Variants in VPS13C observed in about 807,000 individuals in gnomAD.
The protein encoded by VPS13C is intermembrane lipid transfer protein VPS13C.
In VPS13C, 358 loss-of-function variants were observed where a neutral mutation model predicts 456.8. That is an observed-to-expected ratio of 0.78 (90% CI 0.72 to 0.86). The LOEUF is 0.86. VPS13C is among the 40% of genes least tolerant of loss of function. The probability of loss-of-function intolerance (pLI) is 0.00; values close to 1 mark genes in which losing one functional copy is unlikely to be tolerated. For missense variants in VPS13C, 4,818 were observed against 4,385.4 expected, an observed-to-expected ratio of 1.10 and a Z score of -2.79; for synonymous variants, 1,578 against 1,486.7, an observed-to-expected ratio of 1.06 and a Z score of -1.41.
intron 5 of VPS13C, among the ~76,000 whole-genome samples, chr15:62,030,457 T>A (rs2047775494): frequency 6.6e-6 from 1 of 152,016 alleles, no homozygotes; most frequent in African/African-American, 2.4e-5. Flanking sequence ...TCTGAGGCCC[T>A]CACCAGGAGC....
chr15:61,974,210 C>T (rs1373668252), intron 25 of VPS13C, 78 bp downstream of exon 25: 2 of 1,394,572 alleles, frequency 1.4e-6, no homozygotes, highest in African/African-American at 1.5e-5. Context: ...CACTTATAAA[C>T]CTTGCCCTGA....
chr15:61,936,273 T>C (rs537427512), intron 48 of VPS13C, among the ~76,000 whole-genome samples: 98 of 152,316 alleles, frequency 6.4e-4, no homozygotes, highest in African/African-American at 2.2e-3. Flanking sequence ...GGTCCTTTTC[T>C]CTCTTAATTA....
At chr15:61,976,502 G>A (rs952978050) in intron 24 of VPS13C, among the ~76,000 whole-genome samples, 7 of 151,926 alleles carry the variant, frequency 4.6e-5, no homozygotes, top group African/African-American at 1.7e-4. Context: ...TTTAAGTAGG[G>A]AAGGAAAGAA....
At position 61,959,465 on chromosome 15, in the gene VPS13C, G is replaced by T; in HGVS notation, c.4039C>A (p.His1347Asn). The change falls in exon 36 of 85, where the codon CAT becomes AAT. Residue 1347 changes from histidine (H) to asparagine (N), a missense_variant. This residue lies in a region of VPS13C where 4,552 missense variants were observed against 4,130.6 expected (regional missense o/e 1.10). Transcript: ENST00000644861. ...HKVPVVEIKGHLDSMNVSLNQ... is the reference protein window; with the variant it reads ...HKVPVVEIKGNLDSMNVSLNQ... Reference sequence around the variant, plus strand: ...ATACTTACATTCATTGAATCAAGATGTCCTTTAATTTCCACAACAGGCACC... The same window carrying T: ...ATACTTACATTCATTGAATCAAGATTTCCTTTAATTTCCACAACAGGCACC... The T allele has an allele frequency of 6.2e-7, 1 of 1,610,928 alleles. No homozygotes were observed. Among genetic ancestry groups the T allele is most frequent in the South Asian group, 1.1e-5 (1 of 90,778 alleles).
Position 61,991,028 on chromosome 15 carries a change from C to T in VPS13C, c.1550G>A (p.Ser517Asn), listed in dbSNP as rs761962987. The change falls in exon 18 of 85, where the codon AGT becomes AAT. Residue 517 changes from serine to asparagine, a missense_variant. Physicochemically the swap from Ser to Asn is conservative, Grantham distance 46. Transcript: ENST00000644861. The part of the protein sequence containing the change: ...KLFTAIGYSE[S>N]THNLTLPKQY... ...CTTAGGTAAAGTTAGGTTGTGGGTA[C>T]TCTCACTATAACCAATGGCAGTGAA... 1 of 1,612,702 alleles carries T rather than the reference C, an allele frequency of 6.2e-7. No individual in the cohort carries two copies. Among genetic ancestry groups the T allele is most frequent in the African/African-American group, 1.3e-5 (1 of 74,968 alleles).
At chr15:62,021,439 T>C (rs1248133382) in intron 8 of VPS13C, among the ~76,000 whole-genome samples, 1 of 151,918 alleles carries the variant, frequency 6.6e-6, no homozygotes, top group Non-Finnish European at 1.5e-5. Flanking sequence ...TCTGTCAACA[T>C]TAAGTTTTTG....
At chr15:62,041,528 G>A (rs1005350035) in intron 2 of VPS13C, among the ~76,000 whole-genome samples, 162 bp from the exon 3 acceptor site, 3 of 152,034 alleles carry the variant, frequency 2.0e-5, no homozygotes, top group Admixed American at 2.0e-4. Context: ...GCCAAAAAAC[G>A]TTTCATAGGC....
intron 8 of VPS13C, among the ~76,000 whole-genome samples, chr15:62,020,807 T>C (rs553809717): frequency 1.3e-5 from 2 of 152,104 alleles, no homozygotes; most frequent in East Asian, 3.9e-4. Flanking sequence ...CTAACAAGAC[T>C]TCTCTCTAGA....
At chr15:62,027,347 A>C (rs1385161909) in intron 6 of VPS13C, among the ~76,000 whole-genome samples, 1 of 152,128 alleles carries the variant, frequency 6.6e-6, no homozygotes, top group East Asian at 1.9e-4. Context: ...TGGTTTGATT[A>C]TAACCTACAA....
At chr15:62,052,928 A>G (rs2048672359) in intron 1 of VPS13C, among the ~76,000 whole-genome samples, 1 of 152,152 alleles carries the variant, frequency 6.6e-6, no homozygotes, top group Non-Finnish European at 1.5e-5. Context: ...TCTCCCTTTC[A>G]GTTCACTTCA....
chr15:61,928,394 G>C (rs1437249418), intron 51 of VPS13C, among the ~76,000 whole-genome samples: 1 of 151,988 alleles, frequency 6.6e-6, no homozygotes, highest in Non-Finnish European at 1.5e-5. Flanking sequence ...AAAGTCCATA[G>C]TCAATGTCAT....
intron 61 of VPS13C, among the ~76,000 whole-genome samples, chr15:61,913,744 A>C (rs1033760141): frequency 1.3e-5 from 2 of 152,222 alleles, no homozygotes; most frequent in Non-Finnish European, 2.9e-5. Context: ...TGATAGACTT[A>C]TGACATAGAG....
rs1262005723 is a variant in VPS13C at position 61,907,297 on chromosome 15, A to G, written c.9072T>C (p.Tyr3024=). 1 of 1,614,038 alleles carries G rather than the reference A, an allele frequency of 6.2e-7. No homozygotes were observed. The highest frequency in any genetic ancestry group is 8.5e-7 in the Non-Finnish European group (1 of 1,179,868). Residue 3024 remains tyrosine, a synonymous_variant, in exon 66 of 85, where the codon TAT becomes TAC. Coordinates refer to ENST00000644861, the MANE Select transcript of VPS13C (RefSeq NM_020821.3). The part of the protein sequence containing the change: ...PTGTRKLTWT[Y]AANVGEHDLL... ...GATCATGTTCCCCAACATTTGCTGC[A>G]TATGTCCATGTAAGTTTTCTGGTAC... is the stretch of plus-strand genomic sequence containing the variant.
intron 4 of VPS13C, 126 bp downstream of exon 4, chr15:62,034,831 T>C (rs1391875841): frequency 5.3e-6 from 3 of 564,550 alleles, no homozygotes; most frequent in African/African-American, 1.9e-5. Context: ...TAAGTGCATC[T>C]ATGTATGATT....
At chr15:61,973,632 T>C (rs1883657408) in intron 25 of VPS13C, 100 bp from the exon 26 acceptor site, 2 of 842,648 alleles carry the variant, frequency 2.4e-6, no homozygotes, top group Non-Finnish European at 4.0e-6. Context: ...GATAAAGAGA[T>C]ATGGAAAGAC....
At chr15:61,943,398 T>C (rs1176222257) in intron 45 of VPS13C, among the ~76,000 whole-genome samples, 1 of 152,142 alleles carries the variant, frequency 6.6e-6, no homozygotes, top group Non-Finnish European at 1.5e-5. Context: ...CCAAACAGCA[T>C]GGTACTGGTA....
At position 61,920,183 on chromosome 15, in the gene VPS13C, A is replaced by G; in HGVS notation, c.7361T>C (p.Phe2454Ser). 6.2e-7 allele frequency: 1 copy of G among 1,613,662 alleles called. No homozygotes were observed. ...VMGFPEKSDIFDVDAGQNLEL... is the reference protein window; with the variant it reads ...VMGFPEKSDISDVDAGQNLEL... ...CAAATTCTGGCCAGCATCAACATCA[A>G]AAATATCACTTTTCTCAGGGAAGCC... The change falls in exon 57 of 85, where the codon TTT (phenylalanine) becomes TCT (serine). Residue 2454 changes from phenylalanine to serine, a missense_variant. By Grantham distance (155) the Phe-to-Ser change is radical (BLOSUM62 -2). Coordinates refer to ENST00000644861, the MANE Select transcript of VPS13C (RefSeq NM_020821.3).
At position 61,865,436 on chromosome 15, in the gene VPS13C, A is replaced by C. The variant is rs188053714; in HGVS notation, c.10864-1908T>G. Reference sequence around the variant, plus strand: ...CTAAGAACATGGAAAAATATAACTAAAACTAAAAAGCAAGAAATGCTGTTT... The same window carrying C: ...CTAAGAACATGGAAAAATATAACTACAACTAAAAAGCAAGAAATGCTGTTT... On this transcript the variant is annotated intron_variant, in intron 81 of 84. Coordinates refer to ENST00000644861, the MANE Select transcript of VPS13C (RefSeq NM_020821.3). The C allele has an allele frequency of 7.1e-4, 701 of 984,728 alleles. 9 individuals carry two copies. Among genetic ancestry groups the C allele is most frequent in the Middle Eastern group, 5.2e-4 (1 of 1,916 alleles). The allele number at this position is 984,728 out of a possible 1,614,324, so 61.0% of individuals were successfully genotyped here.
rs189769851 is a variant in VPS13C, at chr15:61,994,572, G to C, written c.1354-2770C>G. 4.5e-4 allele frequency among the ~76,000 whole-genome samples: 68 copies of C among 151,794 alleles called. 2 individuals are homozygous for C. The East Asian group carries it at 0.012, about 27-fold the overall frequency. On this transcript the variant is annotated intron_variant, in intron 16 of 84. Coordinates refer to ENST00000644861, the MANE Select transcript of VPS13C (RefSeq NM_020821.3). ...TGAAGCAAATTCTGGTATATGCACAGAATGGAATACTATTCAGCTATCTTT... is the reference window on the plus strand; with the variant it reads ...TGAAGCAAATTCTGGTATATGCACACAATGGAATACTATTCAGCTATCTTT...
Sources: allele counts gnomAD v4.1 joint callset (sites outside exome capture counted in the v4.1 genomes callset), GRCh38; gene constraint gnomAD v4.1.1; regional missense constraint gnomAD v4.1.1; transcripts MANE v1.5; gene names NCBI Gene and HGNC (gene_info 2026-07-23, HGNC 2026-07-21).